CNTLN: variants seen among roughly 807,000 people sequenced by gnomAD.
CNTLN encodes the protein centlein, centrosomal protein.
A neutral mutation model predicts 180.0 loss-of-function variants in CNTLN; 212 were observed. The observed-to-expected ratio is 1.18, with a 90% confidence interval of 1.05 to 1.32. The LOEUF is 1.32. Among genes scored for constraint, CNTLN ranks in the 40% most tolerant of loss-of-function variants. The probability of loss-of-function intolerance (pLI) is 0.00; values close to 1 mark genes in which losing one functional copy is unlikely to be tolerated. For missense variants in CNTLN, 2,095 were observed against 1,610.9 expected (o/e 1.30, Z -5.14); for synonymous variants, 722 against 563.1 (o/e 1.28, Z -3.99).
intron 2 of CNTLN, among the ~76,000 whole-genome samples, chr9:17,204,771 G>A (rs767491510): frequency 1.1e-4 from 16 of 152,266 alleles, no homozygotes; most frequent in Non-Finnish European, 2.1e-4. Flanking sequence ...GATTAAGCCC[G>A]CTAAAGCTGA....
At chr9:17,164,479 T>G (rs1819921779) in intron 2 of CNTLN, among the ~76,000 whole-genome samples, 1 of 143,724 alleles carries the variant, frequency 7.0e-6, no homozygotes, top group Non-Finnish European at 1.5e-5. Flanking sequence ...TTTTTTTTTT[T>G]TTTGAGGTGG....
At chr9:17,374,157 A>C (rs1456038257) in intron 13 of CNTLN, among the ~76,000 whole-genome samples, 1 of 152,222 alleles carries the variant, frequency 6.6e-6, no homozygotes, top group Non-Finnish European at 1.5e-5. Context: ...GCAAGGGAAC[A>C]ATCAACAAAT....
At chr9:17,278,096 G>C (rs747327033) in intron 6 of CNTLN, among the ~76,000 whole-genome samples, 1 of 152,146 alleles carries the variant, frequency 6.6e-6, no homozygotes, top group African/African-American at 2.4e-5. Context: ...TCAGCAGAGA[G>C]TGAGCTGGGT....
intron 12 of CNTLN, 27 bp downstream of exon 12, chr9:17,342,471 C>G (rs1264352746): frequency 6.4e-7 from 1 of 1,572,138 alleles, no homozygotes; most frequent in Non-Finnish European, 8.6e-7. Context: ...ACAATATGGA[C>G]TTAGATAAAA....
intron 19 of CNTLN, among the ~76,000 whole-genome samples, chr9:17,457,986 T>G (rs1831234462): frequency 1.3e-5 from 2 of 152,092 alleles, no homozygotes; most frequent in South Asian, 4.1e-4. Flanking sequence ...TAATACTTCT[T>G]TCTGCCCCCA....
At chr9:17,143,006 AG>A (rs1357831739) in intron 1 of CNTLN, among the ~76,000 whole-genome samples, 3 of 152,224 alleles carry the variant, frequency 2.0e-5, no homozygotes, top group Non-Finnish European at 4.4e-5. Context: ...ATGGGGCAGC[AG>A]GGAGGGAAGT....
chr9:17,434,358 G>C (rs895836736), intron 18 of CNTLN, among the ~76,000 whole-genome samples: 7 of 151,678 alleles, frequency 4.6e-5, no homozygotes, highest in Admixed American at 1.3e-4. Context: ...TAACTGTTTA[G>C]TGCTATAAAT....
chr9:17,136,090 C>A (rs912310315), intron 1 of CNTLN, among the ~76,000 whole-genome samples: 6 of 152,162 alleles, frequency 3.9e-5, no homozygotes, highest in East Asian at 1.9e-4. Flanking sequence ...AAATTACTTT[C>A]CTGTTTGTAG....
chr9:17,327,521 A>G (rs984683129), intron 8 of CNTLN, among the ~76,000 whole-genome samples: 8 of 149,446 alleles, frequency 5.4e-5, no homozygotes, highest in Middle Eastern at 3.5e-3. Flanking sequence ...TCTGAGAGAT[A>G]TATCACAAAC....
intron 2 of CNTLN, among the ~76,000 whole-genome samples, chr9:17,176,859 T>C (rs1820749022): frequency 6.6e-6 from 1 of 152,190 alleles, no homozygotes; most frequent in Non-Finnish European, 1.5e-5. Context: ...AATTTATGTG[T>C]ATAGCGTTGT....
At chr9:17,268,646 C>G (rs1203499916) in intron 5 of CNTLN, among the ~76,000 whole-genome samples, 1 of 152,138 alleles carries the variant, frequency 6.6e-6, no homozygotes, top group Non-Finnish European at 1.5e-5. Flanking sequence ...GAGGTGGAGC[C>G]TACAGAGGCA....
At chr9:17,318,050 A>G (rs1220171665) in intron 8 of CNTLN, among the ~76,000 whole-genome samples, 1 of 149,190 alleles carries the variant, frequency 6.7e-6, no homozygotes. Context: ...TTTTTTGAGA[A>G]GGAGTCTCAC....
intron 8 of CNTLN, among the ~76,000 whole-genome samples, chr9:17,314,501 G>A (rs1194011756): frequency 6.6e-6 from 1 of 152,172 alleles, no homozygotes; most frequent in Non-Finnish European, 1.5e-5. Context: ...TATTCAGATT[G>A]CTTAGAGGTC....
the CNTLN span, among the ~76,000 whole-genome samples, chr9:17,509,501 A>G: frequency 6.6e-6 from 1 of 152,206 alleles, no homozygotes; most frequent in Non-Finnish European, 1.5e-5. Context: ...AAGTGTGGCA[A>G]TGGGCCTGTG....
intron 2 of CNTLN, among the ~76,000 whole-genome samples, chr9:17,210,095 G>A (rs974352767): frequency 6.6e-6 from 1 of 151,920 alleles, no homozygotes; most frequent in Admixed American, 6.6e-5. Flanking sequence ...TTAAGTTCTG[G>A]GGTACATGTG....
At chr9:17,515,999 T>G in the CNTLN span, among the ~76,000 whole-genome samples, 90 of 152,246 alleles carry the variant, frequency 5.9e-4, no homozygotes, top group African/African-American at 2.1e-3. Context: ...TTATACTCAC[T>G]CCACATCACT....
intron 8 of CNTLN, among the ~76,000 whole-genome samples, chr9:17,316,576 T>C (rs1036852665): frequency 6.6e-6 from 1 of 152,078 alleles, no homozygotes; most frequent in Admixed American, 6.5e-5. Context: ...GTGTACTGAA[T>C]GCATATTGCT....
intron 8 of CNTLN, among the ~76,000 whole-genome samples, chr9:17,313,546 C>A (rs1774686296): frequency 6.6e-6 from 1 of 151,860 alleles, no homozygotes; most frequent in Non-Finnish European, 1.5e-5. Context: ...TTCCTTTTTT[C>A]CCCAAGATTT....
At chr9:17,386,400 C>T (rs1825686216) in intron 13 of CNTLN, among the ~76,000 whole-genome samples, 1 of 152,046 alleles carries the variant, frequency 6.6e-6, no homozygotes, top group Non-Finnish European at 1.5e-5. Context: ...AAAAGTAAAG[C>T]ATTTAAAACT....
Sources: gnomAD v4.1 joint callset for allele counts (sites outside exome capture counted in the v4.1 genomes callset) on GRCh38, gnomAD v4.1.1 for gene constraint, MANE v1.5 for transcripts, NCBI Gene and HGNC (gene_info 2026-07-23, HGNC 2026-07-21) for gene names.